DIP2C: variants seen among roughly 807,000 people sequenced by gnomAD.
The protein encoded by DIP2C is DIP2 acetate--CoA ligase C (putative), also known as disco-interacting protein 2 homolog C.
In DIP2C, 33 loss-of-function variants were observed where a neutral mutation model predicts 192.4. The ratio of observed to expected loss-of-function variants is 0.17; its 90% CI spans 0.13 to 0.23. The LOEUF (loss-of-function observed/expected upper bound fraction) is 0.23. DIP2C is among the 10% of genes least tolerant of loss of function. The pLI is 1.00. For synonymous variants in DIP2C, 979 were observed against 864.1 expected, an observed-to-expected ratio of 1.13 and a Z score of -2.33; for missense variants, 1,537 against 2,110.1, an observed-to-expected ratio of 0.73 and a Z score of 5.32.
intron 1 of DIP2C, among the ~76,000 whole-genome samples, chr10:604,563 G>A (rs765430800): frequency 7.2e-5 from 11 of 152,382 alleles, no homozygotes; most frequent in South Asian, 2.1e-4. Context: ...GTGCGGACAC[G>A]CACCCTGGGC....
intron 8 of DIP2C, among the ~76,000 whole-genome samples, chr10:409,253 T>TA (rs1170925446): frequency 6.8e-6 from 1 of 148,102 alleles, no homozygotes; most frequent in Non-Finnish European, 1.5e-5. Flanking sequence ...AGAATGAAAA[T>TA]AAAAAAGCTA....
chr10:343,125 T>C (rs1958242137), intron 28 of DIP2C, among the ~76,000 whole-genome samples: 1 of 152,118 alleles, frequency 6.6e-6, no homozygotes, highest in Non-Finnish European at 1.5e-5. Context: ...CCATCTCTAC[T>C]AAACATACAA....
At chr10:612,170 A>G (rs1853140122) in intron 1 of DIP2C, among the ~76,000 whole-genome samples, 2 of 151,982 alleles carry the variant, frequency 1.3e-5, no homozygotes, top group African/African-American at 4.8e-5. Flanking sequence ...ACGGGCACTT[A>G]TAATCCCAGC....
At chr10:654,720 G>C (rs888841289) in intron 1 of DIP2C, among the ~76,000 whole-genome samples, 1 of 152,122 alleles carries the variant, frequency 6.6e-6, no homozygotes, top group Admixed American at 6.5e-5. Flanking sequence ...TAGAACTAAA[G>C]AAATATGAAG....
chr10:366,170 G>T, intron 19 of DIP2C, 105 bp downstream of exon 19: 1 of 1,484,266 alleles, frequency 6.7e-7, no homozygotes, highest in Non-Finnish European at 9.1e-7. Context: ...AACACGTCTT[G>T]CTAAAATGGA....
intron 1 of DIP2C, among the ~76,000 whole-genome samples, chr10:606,358 C>G (rs1852474492): frequency 6.6e-6 from 1 of 152,168 alleles, no homozygotes; most frequent in Non-Finnish European, 1.5e-5. Flanking sequence ...CTGCTGTGAT[C>G]TGAATTCTCA....
intron 17 of DIP2C, among the ~76,000 whole-genome samples, chr10:370,535 T>TC (rs1481466446): frequency 6.6e-6 from 1 of 152,070 alleles, no homozygotes; most frequent in Non-Finnish European, 1.5e-5. Flanking sequence ...GACCCAACTC[T>TC]CCCAAGAGCG....
chr10:572,493 T>TC (rs985476548), intron 1 of DIP2C, among the ~76,000 whole-genome samples: 140 of 152,230 alleles, frequency 9.2e-4, no homozygotes, highest in African/African-American at 3.0e-3. Flanking sequence ...ATCACACCCC[T>TC]CCAAAAACAA....
At chr10:664,815 T>C (rs1856987765) in intron 1 of DIP2C, 2 of 152,078 alleles carry the variant, frequency 1.3e-5, no homozygotes, top group African/African-American at 4.8e-5. Flanking sequence ...TAAATAAATA[T>C]CAGGGTAGAA....
At chr10:455,136 C>T (rs1042815248) in intron 3 of DIP2C, among the ~76,000 whole-genome samples, 4 of 152,222 alleles carry the variant, frequency 2.6e-5, no homozygotes, top group Admixed American at 6.5e-5. Flanking sequence ...AGCAGGAAGA[C>T]GTAGGTTCGG....
chr10:303,513 GT>G (rs997435743), intron 32 of DIP2C, among the ~76,000 whole-genome samples: 1 of 151,504 alleles, frequency 6.6e-6, no homozygotes, highest in African/African-American at 2.4e-5. Flanking sequence ...TCTATTAAAA[GT>G]TTTTTACTTT....
intron 17 of DIP2C, 131 bp downstream of exon 17, chr10:382,516 C>A: frequency 1.5e-6 from 1 of 654,730 alleles, no homozygotes. Flanking sequence ...CAGAAATAAA[C>A]TCATCTTGAA....
chr10:548,594 G>A (rs1564839093), intron 1 of DIP2C, among the ~76,000 whole-genome samples: 1 of 149,644 alleles, frequency 6.7e-6, no homozygotes, highest in Non-Finnish European at 1.5e-5. Flanking sequence ...GGCCAGAGGT[G>A]ACGTGGCAAG....
At chr10:574,810 A>G (rs575867264) in intron 1 of DIP2C, among the ~76,000 whole-genome samples, 1 of 152,380 alleles carries the variant, frequency 6.6e-6, no homozygotes. Context: ...GTGCAGGACC[A>G]GAAGCATCGC....
rs796895248 is a variant in DIP2C at position 555,199 on chromosome 10, TTTTC to T, written c.86-68673_86-68670del. On this transcript the variant is annotated intron_variant, in intron 1 of 36. Coordinates refer to ENST00000280886, the MANE Select transcript of DIP2C (RefSeq NM_014974.3). ...TGTTTTCTTCAGTATTATTTTTTTTTTTTCCCAAGCCATTACTGAGGTCTCTCCT... is the reference window on the plus strand; with the variant it reads ...TGTTTTCTTCAGTATTATTTTTTTTTCCAAGCCATTACTGAGGTCTCTCCT... Among the ~76,000 whole-genome samples the T allele has an allele frequency of 6.3e-3, 822 of 131,268 alleles. 10 individuals are homozygous for T. Among genetic ancestry groups the T allele is most frequent in the African/African-American group, 0.031 (768 of 24,424 alleles). 86.1% of individuals were successfully genotyped at this position (131,268 alleles called of 152,430 possible).
intron 10 of DIP2C, among the ~76,000 whole-genome samples, chr10:395,603 T>C (rs755128751): frequency 6.6e-6 from 1 of 152,198 alleles, no homozygotes; most frequent in Non-Finnish European, 1.5e-5. Flanking sequence ...CTTGTTAAGG[T>C]CTGTGCGTTC....
chr10:430,551 T>TA (rs1199898041), intron 4 of DIP2C: 4 of 152,258 alleles, frequency 2.6e-5, no homozygotes, highest in African/African-American at 9.6e-5. Context: ...TGTTGACTTT[T>TA]AAGAGTTCCT....
chr10:337,955 CGTGT>C (rs554936668), intron 29 of DIP2C, among the ~76,000 whole-genome samples: 3 of 122,426 alleles, frequency 2.5e-5, no homozygotes, highest in African/African-American at 6.5e-5. Context: ...CCTAGACAGT[CGTGT>C]GTGTGTGTGC....
intron 18 of DIP2C, among the ~76,000 whole-genome samples, chr10:367,452 C>T (rs1960411726): frequency 6.6e-6 from 1 of 151,608 alleles, no homozygotes; most frequent in Non-Finnish European, 1.5e-5. Flanking sequence ...TAAATTTACA[C>T]TGAAAGATTC....
Sources: allele counts gnomAD v4.1 joint callset (sites outside exome capture counted in the v4.1 genomes callset), GRCh38; gene constraint gnomAD v4.1.1; transcripts MANE v1.5; gene names NCBI Gene and HGNC (gene_info 2026-07-23, HGNC 2026-07-21).